Variants in BLOC1S3 observed in about 807,000 individuals in gnomAD.
The protein encoded by BLOC1S3 is biogenesis of lysosomal organelles complex 1 subunit 3, also known as biogenesis of lysosome-related organelles complex 1 subunit 3.
A neutral mutation model predicts 9.1 loss-of-function variants in BLOC1S3; 7 were observed. The observed-to-expected ratio is 0.77, with a 90% CI of 0.44 to 1.45. The LOEUF (loss-of-function observed/expected upper bound fraction) is 1.45. BLOC1S3 is among the 40% of genes most tolerant of loss of function. The pLI, the probability that BLOC1S3 is intolerant of heterozygous loss-of-function variation, is 0.01. For missense variants in BLOC1S3, 307 were observed against 315.2 expected, an observed-to-expected ratio of 0.97 and a Z score of 0.20; for synonymous variants, 145 against 158.4, an observed-to-expected ratio of 0.92 and a Z score of 0.64.
rs747825460 is a variant in BLOC1S3 at position 45,180,236 on chromosome 19, T to A, written c.*331T>A. The stretch of plus-strand genomic sequence containing the variant: ...TGTTTCCACCCTGGGGGCTCACCAA[T>A]TTTTTTTTTTTTTTTTTTTTTTTGG... On this transcript the variant is annotated 3_prime_UTR_variant, in exon 2 of 2. Transcript: ENST00000433642. The A allele has an allele frequency of 6.5e-5, 5 of 77,046 alleles. No individual in the cohort carries two copies. Among genetic ancestry groups the A allele is most frequent in the African/African-American group, 3.7e-4 (4 of 10,714 alleles). The allele number at this position is 77,046 out of a possible 1,614,324, so 4.8% of individuals were successfully genotyped here.
At chr19:45,206,374 A>G in intron 3 of BLOC1S3, among the ~76,000 whole-genome samples, 1 of 132,210 alleles carries the variant, frequency 7.6e-6, no homozygotes, top group East Asian at 2.2e-4. Flanking sequence ...AAAAAAAAAA[A>G]ATCTATTATT....
intron 3 of BLOC1S3, among the ~76,000 whole-genome samples, chr19:45,207,985 T>G: frequency 6.6e-6 from 1 of 151,864 alleles, no homozygotes. Context: ...TACTTTTTTT[T>G]TTTTTTTGAG....
chr19:45,209,860 T>C (rs1328295236), intron 3 of BLOC1S3, among the ~76,000 whole-genome samples: 1 of 151,892 alleles, frequency 6.6e-6, no homozygotes, highest in Admixed American at 6.6e-5. Flanking sequence ...GCCTTCCAAG[T>C]AGCTGTGATT....
downstream of BLOC1S3, among the ~76,000 whole-genome samples, chr19:45,184,903 C>CAAACAAAAAAA (rs1334862577): frequency 2.1e-5 from 1 of 48,278 alleles, no homozygotes; most frequent in African/African-American, 7.1e-5. Flanking sequence ...CTGTCTCAAA[C>CAAACAAAAAAA]AAAAAAAAAA....
chr19:45,184,099 TC>T (rs1969548409), downstream of BLOC1S3, among the ~76,000 whole-genome samples: 1 of 152,098 alleles, frequency 6.6e-6, no homozygotes, highest in African/African-American at 2.4e-5. Flanking sequence ...TCAGCCCCTT[TC>T]TTTCTTTTTC....
chr19:45,212,935 G>A, intron 3 of BLOC1S3: 5 of 1,060,272 alleles, frequency 4.7e-6, no homozygotes, highest in Non-Finnish European at 6.4e-6. Context: ...TTGGGGTTGG[G>A]TGAAAAGACA....
At chr19:45,190,451 G>A (rs1969596025) in intron 2 of BLOC1S3, among the ~76,000 whole-genome samples, 2 of 151,824 alleles carry the variant, frequency 1.3e-5, no homozygotes, top group African/African-American at 4.8e-5. Context: ...CCAGGCTGGA[G>A]TGCAGTGCCA....
At chr19:45,216,216 G>A in intron 3 of BLOC1S3, 1 of 1,612,100 alleles carries the variant, frequency 6.2e-7, no homozygotes, top group Non-Finnish European at 8.5e-7. Context: ...GGAGGGTGCG[G>A]GGTCACACCC....
chr19:45,207,524 C>G (rs971486713), intron 3 of BLOC1S3, among the ~76,000 whole-genome samples: 1 of 143,506 alleles, frequency 7.0e-6, no homozygotes, highest in Non-Finnish European at 1.5e-5. Context: ...ACTCCACACT[C>G]CAGTGTGGGT....
chr19:45,188,147 C>G (rs1330276924), intron 2 of BLOC1S3, among the ~76,000 whole-genome samples: 1 of 152,052 alleles, frequency 6.6e-6, no homozygotes, highest in Non-Finnish European at 1.5e-5. Context: ...CTCGGCCTCC[C>G]GAGTAGCTGG....
At chr19:45,194,492 T>C (rs562693405) in intron 2 of BLOC1S3, among the ~76,000 whole-genome samples, 40 of 152,304 alleles carry the variant, frequency 2.6e-4, no homozygotes, top group African/African-American at 9.1e-4. Context: ...CCCTCTTGTT[T>C]ATTATGAGCA....
At chr19:45,210,018 C>A (rs1481588376) in intron 3 of BLOC1S3, among the ~76,000 whole-genome samples, 1 of 151,380 alleles carries the variant, frequency 6.6e-6, no homozygotes, top group Non-Finnish European at 1.5e-5. Context: ...CAGGCGTGAG[C>A]CATTGTGCCT....
intron 2 of BLOC1S3, among the ~76,000 whole-genome samples, chr19:45,195,528 A>G (rs1167726092): frequency 6.6e-6 from 1 of 150,798 alleles, no homozygotes; most frequent in Non-Finnish European, 1.5e-5. Context: ...TTTAATTTAC[A>G]TGGAAGCCTA....
downstream of BLOC1S3, among the ~76,000 whole-genome samples, chr19:45,186,376 T>A (rs1969565910): frequency 6.6e-6 from 1 of 152,088 alleles, no homozygotes; most frequent in Non-Finnish European, 1.5e-5. Context: ...TTGCTCAGGC[T>A]GGTCTTGAAC....
Position 45,200,835 on chromosome 19 carries a change from A to G in BLOC1S3, n.181-1571A>G, listed in dbSNP as rs371338620. On this transcript the variant is annotated intron_variant and non_coding_transcript_variant, in intron 2 of 3. Coordinates refer to the BLOC1S3 transcript ENST00000591569. Reference sequence around the variant, plus strand: ...CAGGAAATTGAGTGTTGTGAACTAAACTTTTGGTCACTGCAGCTGTATCTG... The same window carrying G: ...CAGGAAATTGAGTGTTGTGAACTAAGCTTTTGGTCACTGCAGCTGTATCTG... Among the ~76,000 whole-genome samples the G allele has an allele frequency of 5.9e-5, 9 of 152,272 alleles. No homozygotes were observed. The South Asian group carries it at 1.9e-3, about 32-fold the overall frequency.
chr19:45,191,073 G>A (rs986309803), intron 2 of BLOC1S3, among the ~76,000 whole-genome samples: 5 of 151,404 alleles, frequency 3.3e-5, no homozygotes, highest in African/African-American at 9.7e-5. Context: ...CCAAAGTGCT[G>A]GGATTACAGG....
At chr19:45,188,908 T>C (rs1386153420) in intron 2 of BLOC1S3, among the ~76,000 whole-genome samples, 1 of 148,166 alleles carries the variant, frequency 6.7e-6, no homozygotes, top group Non-Finnish European at 1.5e-5. Context: ...AGAGTCTTGC[T>C]CTGTTGCCCA....
intron 2 of BLOC1S3, among the ~76,000 whole-genome samples, chr19:45,192,646 T>A (rs905506693): frequency 2.0e-5 from 3 of 152,176 alleles, no homozygotes; most frequent in Non-Finnish European, 4.4e-5. Flanking sequence ...GAATCCTGCC[T>A]GGACTGGGCT....
chr19:45,194,055 G>A (rs1300687545), intron 2 of BLOC1S3, among the ~76,000 whole-genome samples: 4 of 136,064 alleles, frequency 2.9e-5, no homozygotes, highest in South Asian at 2.5e-4. Flanking sequence ...CGCCCTCCTT[G>A]GCCTCCCAAA....
Sources: allele counts gnomAD v4.1 joint callset (sites outside exome capture counted in the v4.1 genomes callset), GRCh38; gene constraint gnomAD v4.1.1; transcripts MANE v1.5; gene names NCBI Gene and HGNC (gene_info 2026-07-23, HGNC 2026-07-21).